Variants in DZIP3 observed in about 807,000 individuals in gnomAD.
DZIP3 encodes the protein DAZ interacting zinc finger protein 3.
A neutral mutation model predicts 162.0 loss-of-function variants in DZIP3; 118 were observed. That is an observed-to-expected ratio of 0.73 (90% CI 0.63 to 0.85). DZIP3 has a LOEUF of 0.85. Among genes scored for constraint, DZIP3 ranks in the 40% least tolerant of loss-of-function variants. The probability of loss-of-function intolerance (pLI) is 0.00; values close to 1 mark genes in which losing one functional copy is unlikely to be tolerated. For missense variants in DZIP3, 1,331 were observed against 1,407.0 expected (o/e 0.95, Z 0.86); for synonymous variants, 438 against 458.6 (o/e 0.96, Z 0.57).
chr3:108,649,581 G>C (rs1388666216), intron 17 of DZIP3, among the ~76,000 whole-genome samples: 1 of 151,602 alleles, frequency 6.6e-6, no homozygotes, highest in African/African-American at 2.4e-5. Flanking sequence ...ATGCAACTTT[G>C]TGGTGAAAAA....
At chr3:108,682,088 AAAAAG>A (rs1944335844) in intron 26 of DZIP3, among the ~76,000 whole-genome samples, 1 of 150,916 alleles carries the variant, frequency 6.6e-6, no homozygotes, top group African/African-American at 2.5e-5. Flanking sequence ...AATTAGAAAA[AAAAAG>A]AACAGCTATT....
chr3:108,692,120 C>T (rs1396609494), intron 32 of DZIP3, among the ~76,000 whole-genome samples: 2 of 151,930 alleles, frequency 1.3e-5, no homozygotes, highest in Non-Finnish European at 2.9e-5. Flanking sequence ...AAAGTTTTTT[C>T]TCCCCTACAA....
rs921321595 is a variant in DZIP3 at position 108,690,922 on chromosome 3, A to T, written c.*6+19A>T. On this transcript the variant is annotated intron_variant, in intron 32 of 32. Transcript: ENST00000361582. The stretch of plus-strand genomic sequence containing the variant: ...ATACAAGGTCGGGGTGTCTATGCAA[A>T]GGAAGCTCAGTTTTCTTTTATTATG... 1.9e-6 allele frequency: 3 copies of T among 1,606,384 alleles called. No individual in the cohort carries two copies. The highest frequency in any genetic ancestry group is 1.7e-6 in the Non-Finnish European group (2 of 1,173,116).
intron 1 of DZIP3, among the ~76,000 whole-genome samples, chr3:108,599,654 G>A (rs1939894375): frequency 6.6e-6 from 1 of 152,096 alleles, no homozygotes; most frequent in Non-Finnish European, 1.5e-5. Flanking sequence ...ATTCAGTGTT[G>A]AAATCCTAAC....
At chr3:108,637,960 G>T (rs1942232843) in intron 12 of DZIP3, among the ~76,000 whole-genome samples, 1 of 152,092 alleles carries the variant, frequency 6.6e-6, no homozygotes, top group African/African-American at 2.4e-5. Flanking sequence ...AGAATTAATA[G>T]CGGTATTATA....
chr3:108,589,568 A>G, upstream of DZIP3: 2 of 486,126 alleles, frequency 4.1e-6, no homozygotes, highest in Admixed American at 3.8e-5. Flanking sequence ...CCAGGGGTCG[A>G]GGTGATTTGT....
rs183027635 is a variant in DZIP3, at chr3:108,657,662, G to C, written c.2199+3352G>C. Reference sequence around the variant, plus strand: ...CAATATTAACCTTAAATGTAAATGGGTTAAATGCTCCAATTAAAAGACACA... The same window carrying C: ...CAATATTAACCTTAAATGTAAATGGCTTAAATGCTCCAATTAAAAGACACA... On this transcript the variant is annotated intron_variant, in intron 19 of 32. Coordinates refer to ENST00000361582, the MANE Select transcript of DZIP3 (RefSeq NM_014648.4). Among the ~76,000 whole-genome samples the C allele has an allele frequency of 4.0e-3, 612 of 152,258 alleles. 3 individuals are homozygous for C. The highest frequency in any genetic ancestry group is 0.014 in the African/African-American group (565 of 41,546).
chr3:108,655,905 C>T (rs1011241754), intron 19 of DZIP3, among the ~76,000 whole-genome samples: 1 of 152,184 alleles, frequency 6.6e-6, no homozygotes, highest in Non-Finnish European at 1.5e-5. Context: ...ATTGCTAGCA[C>T]AGCAGTCTGA....
intron 5 of DZIP3, 145 bp downstream of exon 5, chr3:108,616,802 A>G: frequency 1.7e-6 from 1 of 574,734 alleles, no homozygotes; most frequent in Non-Finnish European, 3.0e-6. Flanking sequence ...GTATAAATTG[A>G]TTGCCTTCCT....
intron 23 of DZIP3, 120 bp downstream of exon 23, chr3:108,672,776 A>G: frequency 1.3e-6 from 1 of 796,342 alleles, no homozygotes; most frequent in Non-Finnish European, 2.0e-6. Context: ...ACATCTTAGG[A>G]TCAGCCAGGA....
rs1944782902 is a variant in DZIP3 at position 108,693,667 on chromosome 3, G to A, written c.*314G>A. On this transcript the variant is annotated 3_prime_UTR_variant, in exon 33 of 33. Coordinates refer to ENST00000361582, the MANE Select transcript of DZIP3 (RefSeq NM_014648.4). ...AGTAGATACAAGATAAATATTGCCA[G>A]AATCAGATATCAGGAAGTAGTAAGA... The A allele has an allele frequency of 6.6e-6, 1 of 152,118 alleles. No homozygotes were observed. The allele number at this position is 152,118 out of a possible 1,614,324, so 9.4% of individuals were successfully genotyped here. A position where few individuals can be genotyped will look rare whatever the true frequency, so the allele number is the denominator to read the frequency against.
intron 14 of DZIP3, among the ~76,000 whole-genome samples, chr3:108,645,197 A>G (rs1942571351): frequency 6.6e-6 from 1 of 152,192 alleles, no homozygotes; most frequent in East Asian, 1.9e-4. Flanking sequence ...TTGTCACATT[A>G]AGGAGTCTGC....
chr3:108,652,256 A>G (rs1394949375), intron 18 of DZIP3, among the ~76,000 whole-genome samples: 1 of 151,826 alleles, frequency 6.6e-6, no homozygotes, highest in Non-Finnish European at 1.5e-5. Context: ...TAACATATAT[A>G]CCTATAACTC....
intron 10 of DZIP3, 92 bp downstream of exon 10, chr3:108,635,064 C>T: frequency 1.4e-6 from 1 of 705,508 alleles, no homozygotes; most frequent in South Asian, 2.4e-5. Flanking sequence ...CTGTTCATAA[C>T]TTCCCTCCTG....
At chr3:108,611,963 C>CAAAAAA (rs10663799) in intron 4 of DZIP3, among the ~76,000 whole-genome samples, 3 of 141,870 alleles carry the variant, frequency 2.1e-5, no homozygotes, top group Non-Finnish European at 1.5e-5. Flanking sequence ...CACTCTGTCT[C>CAAAAAA]AAAAAAAAAA....
intron 5 of DZIP3, among the ~76,000 whole-genome samples, chr3:108,619,268 C>G (rs1559731486): frequency 1.3e-5 from 2 of 149,506 alleles, no homozygotes; most frequent in East Asian, 4.0e-4. Flanking sequence ...CTGGTTTTTG[C>G]TGTGTGTGTG....
chr3:108,684,039 C>T (rs1439579379), intron 26 of DZIP3, among the ~76,000 whole-genome samples, 177 bp from the exon 27 acceptor site: 5 of 141,548 alleles, frequency 3.5e-5, no homozygotes, highest in African/African-American at 9.9e-5. Context: ...CTTTGTTTTT[C>T]CAATATTCAT....
At chr3:108,610,682 A>G (rs1940654828) in intron 3 of DZIP3, among the ~76,000 whole-genome samples, 1 of 152,216 alleles carries the variant, frequency 6.6e-6, no homozygotes, top group East Asian at 1.9e-4. Context: ...TCTGTTGTCC[A>G]CTAGTTCTTC....
intron 5 of DZIP3, among the ~76,000 whole-genome samples, chr3:108,617,541 GA>G (rs1394985606): frequency 6.6e-6 from 1 of 152,038 alleles, no homozygotes; most frequent in Non-Finnish European, 1.5e-5. Flanking sequence ...TGATACTTTA[GA>G]AATAAATAGG....
Sources: allele counts gnomAD v4.1 joint callset (sites outside exome capture counted in the v4.1 genomes callset), GRCh38; gene constraint gnomAD v4.1.1; transcripts MANE v1.5; gene names NCBI Gene and HGNC (gene_info 2026-07-23, HGNC 2026-07-21).